SORBS2: variants seen among roughly 807,000 people sequenced by gnomAD.
The protein encoded by SORBS2 is sorbin and SH3 domain containing 2.
In SORBS2, 46 loss-of-function variants were observed where a neutral mutation model predicts 97.7. The observed-to-expected ratio is 0.47, with a 90% CI of 0.37 to 0.60. The LOEUF is 0.60. Ranked by LOEUF, SORBS2 falls within the 20% of genes least tolerant of loss-of-function variation. The pLI is 0.00. For synonymous variants in SORBS2, 476 were observed against 473.4 expected, an observed-to-expected ratio of 1.01 and a Z score of -0.07; for missense variants, 1,316 against 1,282.3, an observed-to-expected ratio of 1.03 and a Z score of -0.40.
At chr4:185,859,940 C>T (rs1388601396) in intron 1 of SORBS2, among the ~76,000 whole-genome samples, 2 of 152,320 alleles carry the variant, frequency 1.3e-5, no homozygotes, top group African/African-American at 4.8e-5. Context: ...GGTAAGTAAA[C>T]ATGACACTAA....
At chr4:185,814,988 C>T (rs1426381368) in intron 1 of SORBS2, among the ~76,000 whole-genome samples, 1 of 152,198 alleles carries the variant, frequency 6.6e-6, no homozygotes, top group African/African-American at 2.4e-5. Flanking sequence ...TACAGATTTC[C>T]AAGAGACAAA....
At chr4:185,680,699 A>T (rs79739229) in intron 2 of SORBS2, among the ~76,000 whole-genome samples, 2,445 of 152,218 alleles carry the variant, frequency 0.016, 68 homozygotes, top group African/African-American at 0.057. Context: ...GCTGGGGACG[A>T]GGTAATGGGA....
intron 2 of SORBS2, among the ~76,000 whole-genome samples, chr4:185,731,876 A>G (rs1361390364): frequency 3.2e-5 from 1 of 30,842 alleles, no homozygotes. Context: ...CTATATATAT[A>G]TATATATATA....
At chr4:185,907,878 G>C (rs1245408914) in intron 1 of SORBS2, among the ~76,000 whole-genome samples, 1 of 152,002 alleles carries the variant, frequency 6.6e-6, no homozygotes. Context: ...CCTATGCTTT[G>C]TCTTGGTAAA....
intron 3 of SORBS2, among the ~76,000 whole-genome samples, chr4:185,647,055 G>C (rs2097219965): frequency 6.6e-6 from 1 of 152,162 alleles, no homozygotes; most frequent in African/African-American, 2.4e-5. Context: ...ATGCTCTGCT[G>C]AACTATGAGC....
chr4:185,838,708 C>T (rs28373270), intron 1 of SORBS2, among the ~76,000 whole-genome samples: 86,066 of 151,574 alleles, frequency 0.57, 25,012 homozygotes, highest in African/African-American at 0.69. Flanking sequence ...TCCGCTATCT[C>T]CTCGCATACA....
intron 2 of SORBS2, among the ~76,000 whole-genome samples, chr4:185,754,009 T>A (rs905922961): frequency 1.3e-5 from 2 of 152,170 alleles, no homozygotes; most frequent in Non-Finnish European, 2.9e-5. Context: ...ATATATTCAT[T>A]GCAGCATCAT....
chr4:185,917,443 G>GGGGTCCC (rs2099258795), intron 1 of SORBS2, among the ~76,000 whole-genome samples: 1 of 152,082 alleles, frequency 6.6e-6, no homozygotes, highest in Non-Finnish European at 1.5e-5. Context: ...GTCCAGGCTG[G>GGGGTCCC]TATTGAACTC....
chr4:185,677,297 A>T, intron 4 of SORBS2: 3 of 1,552,246 alleles, frequency 1.9e-6, no homozygotes, highest in Non-Finnish European at 2.6e-6. Context: ...GTTTCAAGGT[A>T]GAAATCCTCC....
intron 1 of SORBS2, chr4:185,919,489 GAAT>G (rs1186934159): frequency 1.3e-5 from 2 of 152,252 alleles, no homozygotes; most frequent in East Asian, 3.9e-4. Context: ...TCTGTAATGA[GAAT>G]AATATTATCT....
chr4:185,797,317 G>A (rs1332940769), intron 1 of SORBS2, among the ~76,000 whole-genome samples: 1 of 152,124 alleles, frequency 6.6e-6, no homozygotes, highest in East Asian at 1.9e-4. Flanking sequence ...TCCTCTTGTC[G>A]AATTCATCGA....
intron 1 of SORBS2, among the ~76,000 whole-genome samples, chr4:185,654,914 T>A (rs6832551): frequency 0.81 from 123,748 of 152,132 alleles, 50,436 homozygotes; most frequent in Middle Eastern, 0.87. Context: ...TCAAAAAAGA[T>A]AAAAAAGGAC....
chr4:185,629,056 T>C (rs1057513306), intron 5 of SORBS2, among the ~76,000 whole-genome samples: 1 of 152,220 alleles, frequency 6.6e-6, no homozygotes, highest in Non-Finnish European at 1.5e-5. Context: ...TTTCTTTATG[T>C]TTTTGTCTTA....
intron 1 of SORBS2, among the ~76,000 whole-genome samples, chr4:185,909,961 G>A (rs2099253978): frequency 6.7e-6 from 1 of 149,072 alleles, no homozygotes; most frequent in African/African-American, 2.5e-5. Context: ...TCCAGCTTGG[G>A]TGACAGAGCT....
intron 4 of SORBS2, chr4:185,677,086 G>C: frequency 6.4e-7 from 1 of 1,551,672 alleles, no homozygotes; most frequent in Non-Finnish European, 8.7e-7. Context: ...TCTGGAGAAA[G>C]CTCAGGTAGC....
intron 4 of SORBS2, among the ~76,000 whole-genome samples, chr4:185,674,748 A>G (rs2153493352): frequency 6.6e-6 from 1 of 152,140 alleles, no homozygotes; most frequent in South Asian, 2.1e-4. Context: ...CCCCAGCATG[A>G]TCAACCTCAA....
chr4:185,853,558 C>T (rs950756969), intron 1 of SORBS2, among the ~76,000 whole-genome samples: 3 of 152,160 alleles, frequency 2.0e-5, no homozygotes, highest in South Asian at 2.1e-4. Flanking sequence ...CAATGAGGTA[C>T]ACCTTCTGCC....
intron 2 of SORBS2, among the ~76,000 whole-genome samples, chr4:185,751,172 T>TAAAAAAAAAAAAAAAAAAAAAAAA (rs71593649): frequency 5.7e-4 from 18 of 31,694 alleles, no homozygotes; most frequent in Non-Finnish European, 9.7e-4. Context: ...CTCTAAATAC[T>TAAAAAAAAAAAAAAAAAAAAAAAA]AAAAAAAAAA....
At chr4:185,751,428 T>C (rs1162037175) in intron 2 of SORBS2, among the ~76,000 whole-genome samples, 1 of 152,090 alleles carries the variant, frequency 6.6e-6, no homozygotes, top group Non-Finnish European at 1.5e-5. Flanking sequence ...AGTTTGGTGA[T>C]CATCTTGGAC....
Sources: allele counts gnomAD v4.1 joint callset (sites outside exome capture counted in the v4.1 genomes callset), GRCh38; gene constraint gnomAD v4.1.1; transcripts MANE v1.5; gene names NCBI Gene and HGNC (gene_info 2026-07-23, HGNC 2026-07-21).